Variants in TNS1 observed in about 807,000 individuals in gnomAD.
TNS1 encodes tensin-1.
A neutral mutation model predicts 168.6 loss-of-function variants in TNS1; 62 were observed. That is an observed-to-expected ratio of 0.37 (90% CI 0.30 to 0.45). The LOEUF (loss-of-function observed/expected upper bound fraction) is 0.45. TNS1 is among the 20% of genes least tolerant of loss of function. The pLI, the probability that TNS1 is intolerant of heterozygous loss-of-function variation, is 1.00. For synonymous variants in TNS1, 934 were observed against 933.2 expected, an observed-to-expected ratio of 1.00 and a Z score of -0.02; for missense variants, 2,240 against 2,339.4, an observed-to-expected ratio of 0.96 and a Z score of 0.88.
At chr2:217,838,284 C>G (rs1411831206) in intron 19 of TNS1, among the ~76,000 whole-genome samples, 1 of 152,218 alleles carries the variant, frequency 6.6e-6, no homozygotes, top group Non-Finnish European at 1.5e-5. Context: ...CCTGGACAAA[C>G]AAAGAACATT....
At chr2:217,979,276 G>C (rs927969544) in intron 2 of TNS1, among the ~76,000 whole-genome samples, 1 of 151,728 alleles carries the variant, frequency 6.6e-6, no homozygotes, top group Non-Finnish European at 1.5e-5. Flanking sequence ...GTCCAGGAGC[G>C]GGCCCACGCA....
chr2:217,820,394 C>T (rs956552565), intron 23 of TNS1, among the ~76,000 whole-genome samples: 8 of 152,162 alleles, frequency 5.3e-5, no homozygotes, highest in African/African-American at 1.9e-4. Flanking sequence ...CAGGCTGCTG[C>T]CTGTTAAGAG....
chr2:218,025,531 T>G (rs1292646510), intron 1 of TNS1, among the ~76,000 whole-genome samples: 1 of 152,132 alleles, frequency 6.6e-6, no homozygotes, highest in East Asian at 1.9e-4. Context: ...ATTACAGGTA[T>G]GAGCCTGTAA....
intron 18 of TNS1, among the ~76,000 whole-genome samples, chr2:217,864,040 A>G (rs1949035476): frequency 6.6e-6 from 1 of 152,182 alleles, no homozygotes; most frequent in South Asian, 2.1e-4. Flanking sequence ...CATCCCAGGA[A>G]GGCAGTGGGC....
chr2:217,856,806 T>C (rs1425739852), intron 18 of TNS1, among the ~76,000 whole-genome samples: 1 of 152,098 alleles, frequency 6.6e-6, no homozygotes, highest in African/African-American at 2.4e-5. Context: ...TAGACACCTG[T>C]TTTTCTTTCC....
At chr2:217,922,456 G>A (rs374737180) in intron 3 of TNS1, among the ~76,000 whole-genome samples, 2 of 152,064 alleles carry the variant, frequency 1.3e-5, no homozygotes, top group African/African-American at 2.4e-5. Context: ...CAGGGACCGC[G>A]AGCCAGGCCA....
intron 31 of TNS1, 108 bp from the exon 32 acceptor site, chr2:217,808,215 C>G (rs1939578669): frequency 9.1e-6 from 12 of 1,323,884 alleles, no homozygotes; most frequent in Non-Finnish European, 1.3e-5. Context: ...AGGAGCTGCC[C>G]CCCATTCCCC....
At position 217,804,109 on chromosome 2, in the gene TNS1, C is replaced by T. The variant is rs534977304; in HGVS notation, c.*350G>A. 1 of 187,122 alleles carries T rather than the reference C, an allele frequency of 5.3e-6. No individual in the cohort carries two copies. Among genetic ancestry groups the T allele is most frequent in the African/African-American group, 2.3e-5 (1 of 42,726 alleles). The allele number at this position is 187,122 out of a possible 1,614,324, so 11.6% of individuals were successfully genotyped here. A position where few individuals can be genotyped will look rare whatever the true frequency, so the allele number is the denominator to read the frequency against. ...TCCATTCCCCCAAAAAATGTGGATT[C>T]CCAAGGAGGTTTGTTCCTTCTCTTT... On this transcript the variant is annotated 3_prime_UTR_variant, in exon 33 of 33. Transcript: ENST00000682258.
intron 8 of TNS1, 91 bp from the exon 9 acceptor site, chr2:217,895,147 G>A: frequency 7.6e-7 from 1 of 1,317,076 alleles, no homozygotes; most frequent in Admixed American, 2.0e-5. Flanking sequence ...GTCCCAGAAA[G>A]GACCGTGGCA....
At chr2:217,997,246 A>G (rs1215124051) in intron 1 of TNS1, among the ~76,000 whole-genome samples, 1 of 152,150 alleles carries the variant, frequency 6.6e-6, no homozygotes. Flanking sequence ...TTCTCCTATG[A>G]TCACACTCAG....
intron 9 of TNS1, among the ~76,000 whole-genome samples, chr2:217,893,898 C>T (rs1404723417): frequency 5.3e-5 from 8 of 152,186 alleles, no homozygotes; most frequent in Non-Finnish European, 1.0e-4. Context: ...GCTGATGACC[C>T]CAAGGTCCCT....
intron 18 of TNS1, among the ~76,000 whole-genome samples, chr2:217,849,333 AGTGCTGGGGGCAAATC>A (rs1947154739): frequency 6.6e-6 from 1 of 152,188 alleles, no homozygotes; most frequent in African/African-American, 2.4e-5. Context: ...CTGAGCAGGA[AGTGCTGGGGGCAAATC>A]GCTCCAGTCC....
At chr2:217,846,366 C>A (rs1946647485) in intron 19 of TNS1, among the ~76,000 whole-genome samples, 1 of 152,172 alleles carries the variant, frequency 6.6e-6, no homozygotes, top group African/African-American at 2.4e-5. Context: ...CTGGCCTGCC[C>A]CAAGCTGCTT....
chr2:217,976,441 C>T (rs2126041516), intron 3 of TNS1, among the ~76,000 whole-genome samples: 1 of 152,322 alleles, frequency 6.6e-6, no homozygotes, highest in East Asian at 1.9e-4. Context: ...AGAGAAAGAC[C>T]CACCAGCTGG....
At chr2:217,933,341 C>T (rs1956424919) in intron 3 of TNS1, among the ~76,000 whole-genome samples, 1 of 152,134 alleles carries the variant, frequency 6.6e-6, no homozygotes, top group South Asian at 2.1e-4. Flanking sequence ...GCTAAAGACC[C>T]GGTGACCCAG....
intron 1 of TNS1, among the ~76,000 whole-genome samples, chr2:217,997,225 C>T (rs1958486533): frequency 6.6e-6 from 1 of 152,154 alleles, no homozygotes. Flanking sequence ...AAGATGAACA[C>T]GCATGTTCCC....
chr2:217,895,800 A>C (rs1952231373), intron 8 of TNS1, among the ~76,000 whole-genome samples: 1 of 151,698 alleles, frequency 6.6e-6, no homozygotes, highest in Non-Finnish European at 1.5e-5. Flanking sequence ...AGAACTTCCC[A>C]CCTCCACCCC....
rs1000136582 is a variant in TNS1, at chr2:218,031,413, A to C, written c.156+2407T>G. On this transcript the variant is annotated intron_variant, in intron 1 of 1. Transcript: ENST00000649572. ...ATGTCTTGTGTGAGTGTGTGAGTGC[A>C]CCTGTGTGTATAAGTGTGTGTGTGC... is the stretch of plus-strand genomic sequence containing the variant. Among the ~76,000 whole-genome samples, 12 of 128,676 alleles carry C rather than the reference A, an allele frequency of 9.3e-5. No individual in the cohort carries two copies. The East Asian group carries it at 1.7e-3, about 18-fold the overall frequency. The allele number at this position is 128,676 out of a possible 152,430, so 84.4% of individuals were successfully genotyped here.
chr2:217,951,311 C>T (rs1306409097), intron 3 of TNS1, among the ~76,000 whole-genome samples: 1 of 152,218 alleles, frequency 6.6e-6, no homozygotes, highest in Non-Finnish European at 1.5e-5. Context: ...TCACCACCCC[C>T]ATCCCAGAAT....
Sources: gnomAD v4.1 joint callset for allele counts (sites outside exome capture counted in the v4.1 genomes callset) on GRCh38, gnomAD v4.1.1 for gene constraint, MANE v1.5 for transcripts, NCBI Gene and HGNC (gene_info 2026-07-23, HGNC 2026-07-21) for gene names.